Variants in LRPPRC observed in about 807,000 individuals in gnomAD.
LRPPRC encodes leucine rich pentatricopeptide repeat containing.
Under a neutral mutation model 180.3 loss-of-function variants are expected in LRPPRC, and 120 were observed. That is an observed-to-expected ratio of 0.67 (90% CI 0.57 to 0.77). The LOEUF is 0.77. Among genes scored for constraint, LRPPRC ranks in the 30% least tolerant of loss-of-function variants. The probability of loss-of-function intolerance (pLI) is 0.00; values close to 1 mark genes in which losing one functional copy is unlikely to be tolerated. For missense variants in LRPPRC, 2,012 were observed against 1,657.2 expected (o/e 1.21, Z -3.72); for synonymous variants, 723 against 600.0 (o/e 1.21, Z -3.00).
intron 11 of LRPPRC, among the ~76,000 whole-genome samples, chr2:43,968,129 C>T (rs530020716): frequency 2.8e-4 from 42 of 151,966 alleles, no homozygotes; most frequent in African/African-American, 9.2e-4. Context: ...ACTTTAAAGA[C>T]CCAGCTCTCC....
At position 43,925,052 on chromosome 2, in the gene LRPPRC, A is replaced by T; in HGVS notation, c.2896+15T>A. The T allele has an allele frequency of 7.4e-7, 1 of 1,345,214 alleles. No homozygotes were observed. Among genetic ancestry groups the T allele is most frequent in the East Asian group, 2.3e-5 (1 of 43,636 alleles). 83.3% of individuals were successfully genotyped at this position (1,345,214 alleles called of 1,614,324 possible). A position where few individuals can be genotyped will look rare whatever the true frequency, so the allele number is the denominator to read the frequency against. ...CAGAATAAATGAAAGCGTGAAGAAT[A>T]GTTAAATCACTTACTATACAGTTTT... On this transcript the variant is annotated intron_variant, in intron 27 of 37. Coordinates refer to ENST00000260665, the MANE Select transcript of LRPPRC (RefSeq NM_133259.4).
In LRPPRC at chr2:43,915,222, TCTCTCTCTCTCACA is replaced by T. The variant is rs755485341; in HGVS notation, c.3149-2678_3149-2665del. Among the ~76,000 whole-genome samples the T allele has an allele frequency of 1.8e-3, 192 of 105,962 alleles. 1 individual carries two copies. Among genetic ancestry groups the T allele is most frequent in the Admixed American group, 2.0e-3 (18 of 9,112 alleles). 69.5% of individuals were successfully genotyped at this position (105,962 alleles called of 152,430 possible). A position where few individuals can be genotyped will look rare whatever the true frequency, so the allele number is the denominator to read the frequency against. On this transcript the variant is annotated intron_variant, in intron 29 of 37. Coordinates refer to ENST00000260665, the MANE Select transcript of LRPPRC (RefSeq NM_133259.4). ...GACTCTCTCTCTCTCTCTCTCTCTC[TCTCTCTCTCTCACA>T]CACACACACACACACACACACACAC...
rs759875941 is a variant in LRPPRC, at chr2:43,947,736, G to GAA, written c.1958_1959dup (p.Gln654PhefsTer19). 6.4e-7 allele frequency: 1 copy of GAA among 1,568,380 alleles called. No individual in the cohort carries two copies. Among genetic ancestry groups the GAA allele is most frequent in the Non-Finnish European group, 8.8e-7 (1 of 1,138,822 alleles). ...CTAGTCAAAATCCTACTTACTTTTT[G>GAA]AAAGTCTAAATTCTTACTCTCAACC... On this transcript the variant is annotated frameshift_variant, in exon 19 of 38. Coordinates refer to ENST00000260665, the MANE Select transcript of LRPPRC (RefSeq NM_133259.4). LOFTEE classifies it high-confidence loss of function.
chr2:43,934,315 A>T lies in LRPPRC; in HGVS notation c.2630-19T>A, dbSNP rs748155756. 82 of 1,209,812 alleles carry T rather than the reference A, an allele frequency of 6.8e-5. No individual in the cohort carries two copies. Among genetic ancestry groups the T allele is most frequent in the Non-Finnish European group, 8.5e-5 (69 of 815,458 alleles). 74.9% of individuals were successfully genotyped at this position (1,209,812 alleles called of 1,614,324 possible). ...TCCATTGCTAGGTAGGAGAGAAAAA[A>T]ATATATATATTAGGAGAAAAAAAAA... On this transcript the variant is annotated intron_variant, in intron 24 of 37. Transcript: ENST00000260665.
chr2:43,962,850 T>C, intron 12 of LRPPRC, among the ~76,000 whole-genome samples: 1 of 152,322 alleles, frequency 6.6e-6, no homozygotes, highest in Admixed American at 6.5e-5. Flanking sequence ...CATGTGCCTA[T>C]AATCCCAGCT....
At chr2:43,901,982 C>G (rs1670907056) in intron 31 of LRPPRC, 1 of 158,342 alleles carries the variant, frequency 6.3e-6, no homozygotes, top group Non-Finnish European at 1.4e-5. Flanking sequence ...AAACATTGAT[C>G]CTCTAGGATC....
At chr2:43,938,627 C>G (rs1181179954) in intron 23 of LRPPRC, among the ~76,000 whole-genome samples, 1 of 152,160 alleles carries the variant, frequency 6.6e-6, no homozygotes, top group Non-Finnish European at 1.5e-5. Context: ...GATGGCAAAT[C>G]TGATAGTACC....
chr2:43,979,740 A>T, intron 3 of LRPPRC, 86 bp downstream of exon 3: 1 of 1,188,330 alleles, frequency 8.4e-7, no homozygotes, highest in Non-Finnish European at 1.2e-6. Flanking sequence ...AAACTGAATT[A>T]CAGCATTTAT....
chr2:43,945,339 C>T lies in LRPPRC; in HGVS notation c.2289G>A (p.Lys763=), dbSNP rs2105080738. ...GLVRVLAKHG[K]LQDAINILKE... ...TTATGTGCTGAGGCTTACCTTGGAG[C>T]TTGCCATGCTTTGCCAATACTCTTA... Residue 763 remains lysine (K), a synonymous_variant, in exon 22 of 38, where the codon AAG becomes AAA. Coordinates refer to ENST00000260665, the MANE Select transcript of LRPPRC (RefSeq NM_133259.4). 6.2e-7 allele frequency: 1 copy of T among 1,609,702 alleles called. No individual in the cohort carries two copies. The highest frequency in any genetic ancestry group is 1.1e-5 in the South Asian group (1 of 90,986).
chr2:43,943,878 C>T lies in LRPPRC; in HGVS notation c.2313G>A (p.Leu771=). The change falls in exon 23 of 38, where the codon CTG becomes CTA. Residue 771 remains leucine (L), a synonymous_variant. Transcript: ENST00000260665. ...GAACATCCTTCTCTTTCATCTCCTTCAGAATGTTAATAGCATCTACAATGA... is the reference window on the plus strand; with the variant it reads ...GAACATCCTTCTCTTTCATCTCCTTTAGAATGTTAATAGCATCTACAATGA... ...HGKLQDAINI[L]KEMKEKDVLI... 4 of 1,612,610 alleles carry T rather than the reference C, an allele frequency of 2.5e-6. No homozygotes were observed. The highest frequency in any genetic ancestry group is 3.4e-6 in the Non-Finnish European group (4 of 1,178,774).
At chr2:43,975,060 T>TA (rs1361459986) in intron 7 of LRPPRC, 31 bp downstream of exon 7, 3 of 1,606,718 alleles carry the variant, frequency 1.9e-6, no homozygotes, top group Non-Finnish European at 2.5e-6. Flanking sequence ...CAAATGATTT[T>TA]AAAGTATGTT....
chr2:43,896,700 A>G lies in LRPPRC; in HGVS notation c.3834T>C (p.Gly1278=). Residue 1278 remains glycine, a synonymous_variant, in exon 35 of 38, where the codon GGT becomes GGC. Coordinates refer to ENST00000260665, the MANE Select transcript of LRPPRC (RefSeq NM_133259.4). ...AAATCGGGGTTTGTTCAGCAATTGC[A>G]CCACATCTCTAAAAATTAAAACATT... ...DDARALLQRC[G]AIAEQTPILL... The G allele has an allele frequency of 1.9e-6, 3 of 1,599,992 alleles. No homozygotes were observed. The highest frequency in any genetic ancestry group is 2.6e-6 in the Non-Finnish European group (3 of 1,167,252).
At chr2:43,918,758 C>T (rs1383869410) in intron 27 of LRPPRC, among the ~76,000 whole-genome samples, 8 of 145,382 alleles carry the variant, frequency 5.5e-5, no homozygotes, top group African/African-American at 1.8e-4. Context: ...TGACCTTTAG[C>T]GTTGCAAAGA....
intron 31 of LRPPRC, among the ~76,000 whole-genome samples, chr2:43,905,380 G>T (rs1230510834): frequency 6.6e-6 from 1 of 152,154 alleles, no homozygotes; most frequent in Non-Finnish European, 1.5e-5. Context: ...TAACGCACTT[G>T]AAAGCCTGTA....
chr2:43,949,695 G>C (rs767487658), intron 15 of LRPPRC, 36 bp from the exon 16 acceptor site: 9 of 1,380,792 alleles, frequency 6.5e-6, no homozygotes, highest in African/African-American at 1.4e-5. Context: ...TGCAGCAAGA[G>C]AAGCAAACAA....
intron 17 of LRPPRC, 74 bp from the exon 18 acceptor site, chr2:43,948,273 TATCTC>T (rs1672768086): frequency 2.1e-6 from 2 of 972,244 alleles, no homozygotes; most frequent in Non-Finnish European, 1.7e-6. Flanking sequence ...TAACAGAAAT[TATCTC>T]AGACATAATT....
chr2:43,894,480 G>T (rs915201172), intron 36 of LRPPRC, 65 bp downstream of exon 36: 12 of 820,814 alleles, frequency 1.5e-5, no homozygotes, highest in Admixed American at 7.0e-5. Flanking sequence ...TCATTTACAT[G>T]ATATAGTCAC....
In LRPPRC at chr2:43,973,676, C is replaced by T. The variant is rs760756132; in HGVS notation, c.1300G>A (p.Gly434Ser). 4.4e-5 allele frequency: 71 copies of T among 1,613,896 alleles called. No individual in the cohort carries two copies. The highest frequency in any genetic ancestry group is 5.8e-5 in the Non-Finnish European group (69 of 1,179,892). The change falls in exon 11 of 38, where the codon GGT becomes AGT. Residue 434 changes from glycine to serine, a missense_variant. By Grantham distance (56) the Gly-to-Ser change is moderately conservative (BLOSUM62 0). Coordinates refer to ENST00000260665, the MANE Select transcript of LRPPRC (RefSeq NM_133259.4). ...KALMKAVKEE[G>S]FPIRPHYFWP... Reference sequence around the variant, plus strand: ...AAATAGTGAGGTCTGATAGGAAAACCTTCCTCCTTCACAGCCTTCATTAAG... The same window carrying T: ...AAATAGTGAGGTCTGATAGGAAAACTTTCCTCCTTCACAGCCTTCATTAAG...
Position 43,975,147 on chromosome 2 carries a change from A to G in LRPPRC, c.808T>C (p.Tyr270His), listed in dbSNP as rs946957597. Residue 270 changes from tyrosine to histidine, a missense_variant, in exon 7 of 38, where the codon TAC (tyrosine) becomes CAC (histidine). Tyr to His is a moderately conservative substitution (Grantham distance 83). Coordinates refer to ENST00000260665, the MANE Select transcript of LRPPRC (RefSeq NM_133259.4). The stretch of plus-strand genomic sequence containing the variant: ...GCATATGCATTCAATAATGCGAGGT[A>G]TGTGTCTGGACCAGGCTCAATTCCG... ...DAGIEPGPDT[Y>H]LALLNAYAEK... 5 of 1,613,414 alleles carry G rather than the reference A, an allele frequency of 3.1e-6. No homozygotes were observed. The highest frequency in any genetic ancestry group is 1.7e-5 in the Admixed American group (1 of 60,016).
Sources: allele counts gnomAD v4.1 joint callset (sites outside exome capture counted in the v4.1 genomes callset), GRCh38; gene constraint gnomAD v4.1.1; transcripts MANE v1.5; gene names NCBI Gene and HGNC (gene_info 2026-07-23, HGNC 2026-07-21).